The following C1orf105 variants were observed in gnomAD, a reference collection of about 807,000 sequenced individuals.
The protein encoded by C1orf105 is chromosome 1 open reading frame 105.
C1orf105 carries 17 observed loss-of-function variants against 20.8 expected under a neutral mutation model. That is an observed-to-expected ratio of 0.82 (90% CI 0.56 to 1.23). The LOEUF is 1.23. Among genes scored for constraint, C1orf105 ranks in the 50% most tolerant of loss-of-function variants. The probability of loss-of-function intolerance (pLI) is 0.00; values close to 1 mark genes in which losing one functional copy is unlikely to be tolerated. For synonymous variants in C1orf105, 72 were observed against 72.1 expected (o/e 1.00, Z 0.01); for missense variants, 219 against 213.5 (o/e 1.03, Z -0.16).
intron 1 of C1orf105, among the ~76,000 whole-genome samples, chr1:172,429,219 A>AATATATAT (rs901481851): frequency 9.8e-6 from 1 of 102,218 alleles, no homozygotes; most frequent in Admixed American, 1.2e-4. Context: ...AGTAAATACA[A>AATATATAT]ATATACACAC....
chr1:172,465,402 C>A (rs1462181920), intron 6 of C1orf105, 39 bp downstream of exon 6: 1 of 1,440,500 alleles, frequency 6.9e-7, no homozygotes, highest in Non-Finnish European at 9.8e-7. Flanking sequence ...GTGAAACACA[C>A]TAGAAAAAAA....
intron 2 of C1orf105, among the ~76,000 whole-genome samples, chr1:172,445,851 C>T (rs1420399287): frequency 1.3e-5 from 2 of 152,098 alleles, no homozygotes; most frequent in Non-Finnish European, 2.9e-5. Flanking sequence ...AGAGAAAGGG[C>T]AGGCATAGAG....
chr1:172,454,599 G>A (rs1649031990), intron 3 of C1orf105, among the ~76,000 whole-genome samples: 1 of 151,968 alleles, frequency 6.6e-6, no homozygotes, highest in Non-Finnish European at 1.5e-5. Flanking sequence ...CTTACCCGAA[G>A]CTGATTTGCT....
intron 1 of C1orf105, chr1:172,441,352 TACACAC>T (rs55669322): frequency 0.074 from 11,594 of 156,782 alleles, 466 homozygotes; most frequent in Non-Finnish European, 0.089. Context: ...GAAGTGACTT[TACACAC>T]ACACACACAC....
chr1:172,433,110 G>C (rs2071923671), intron 1 of C1orf105, among the ~76,000 whole-genome samples: 2 of 152,308 alleles, frequency 1.3e-5, no homozygotes, highest in African/African-American at 4.8e-5. Context: ...AGAAATATGG[G>C]ACTATGTGAA....
At chr1:172,435,640 T>C (rs536125168) in intron 1 of C1orf105, among the ~76,000 whole-genome samples, 1 of 152,284 alleles carries the variant, frequency 6.6e-6, no homozygotes, top group African/African-American at 2.4e-5. Flanking sequence ...ACCAATATCA[T>C]ACTGAATGGG....
In C1orf105 at chr1:172,444,968, G is replaced by A. The variant is rs113856916; in HGVS notation, c.22-105G>A. ...AAAGAGTTAAATATAAAAATGGTTTGTAAAGTGTTCACTATATGGCTGCTA... is the reference window on the plus strand; with the variant it reads ...AAAGAGTTAAATATAAAAATGGTTTATAAAGTGTTCACTATATGGCTGCTA... On this transcript the variant is annotated intron_variant, in intron 1 of 6. Coordinates refer to ENST00000367727, the MANE Select transcript of C1orf105 (RefSeq NM_139240.4). 392 of 795,118 alleles carry A rather than the reference G, an allele frequency of 4.9e-4. 4 individuals are homozygous for A. In the African/African-American group the frequency reaches 6.3e-3, roughly 13 times the overall value. The allele number at this position is 795,118 out of a possible 1,614,324, so 49.3% of individuals were successfully genotyped here.
chr1:172,459,296 A>G (rs1470932951), intron 4 of C1orf105, among the ~76,000 whole-genome samples: 1 of 152,204 alleles, frequency 6.6e-6, no homozygotes, highest in East Asian at 1.9e-4. Context: ...ATTATGTCAG[A>G]TAAGGGACTA....
chr1:172,430,932 T>C (rs755422476), intron 1 of C1orf105: 6 of 424,304 alleles, frequency 1.4e-5, no homozygotes, highest in Non-Finnish European at 2.5e-5. Context: ...GATGTTACCA[T>C]TGCAATTGTT....
intron 1 of C1orf105, among the ~76,000 whole-genome samples, chr1:172,429,251 CACACAG>C (rs1197643000): frequency 4.1e-5 from 6 of 147,838 alleles, no homozygotes; most frequent in Non-Finnish European, 6.0e-5. Context: ...CACACACACA[CACACAG>C]ACACACACAC....
Position 172,455,861 on chromosome 1 carries a change from G to A in C1orf105, c.199-554G>A, listed in dbSNP as rs539586224. ...AGGAGGTACAGAAGGGCCAAATGGT[G>A]CTGGACCATGGATGCATGAGAGCTG... On this transcript the variant is annotated intron_variant, in intron 3 of 6. Transcript: ENST00000367727. Among the ~76,000 whole-genome samples, 83 of 152,144 alleles carry A rather than the reference G, an allele frequency of 5.5e-4. 1 individual carries two copies. The highest frequency in any genetic ancestry group is 1.0e-3 in the Non-Finnish European group (71 of 68,032).
intron 3 of C1orf105, among the ~76,000 whole-genome samples, chr1:172,449,956 G>A (rs184148241): frequency 3.9e-5 from 6 of 152,340 alleles, no homozygotes; most frequent in African/African-American, 9.6e-5. Context: ...TGGCAACCTG[G>A]GCACTAGGAC....
In C1orf105 at chr1:172,420,799, C is replaced by G; in HGVS notation, c.-87C>G. The stretch of plus-strand genomic sequence containing the variant: ...AAACACTTTGGATTCAGGTTCTCCA[C>G]AGCAGTCTTCCACTGGCCACAGTGA... On this transcript the variant is annotated 5_prime_UTR_variant, in exon 1 of 7. Coordinates refer to ENST00000367727, the MANE Select transcript of C1orf105 (RefSeq NM_139240.4). 1 of 1,362,832 alleles carries G rather than the reference C, an allele frequency of 7.3e-7. No individual in the cohort carries two copies. Among genetic ancestry groups the G allele is most frequent in the Admixed American group, 1.8e-5 (1 of 55,062 alleles). The allele number at this position is 1,362,832 out of a possible 1,614,324, so 84.4% of individuals were successfully genotyped here. A position where few individuals can be genotyped will look rare whatever the true frequency, so the allele number is the denominator to read the frequency against.
chr1:172,430,434 T>C (rs2149160528), intron 1 of C1orf105: 1 of 608,226 alleles, frequency 1.6e-6, no homozygotes, highest in East Asian at 2.8e-5. Flanking sequence ...TTGCAATTTT[T>C]CTTAAACCTT....
At chr1:172,421,984 A>C (rs370347878) in intron 1 of C1orf105, among the ~76,000 whole-genome samples, 4 of 152,306 alleles carry the variant, frequency 2.6e-5, no homozygotes. Flanking sequence ...TCAGAAACTG[A>C]GTTTTGACTA....
At chr1:172,438,213 T>C (rs955560680) in intron 1 of C1orf105, among the ~76,000 whole-genome samples, 2 of 152,242 alleles carry the variant, frequency 1.3e-5, no homozygotes, top group Non-Finnish European at 2.9e-5. Flanking sequence ...CTGAAGTCCA[T>C]GGATCAAAGA....
intron 2 of C1orf105, 90 bp downstream of exon 2, chr1:172,445,248 G>A: frequency 5.9e-6 from 6 of 1,021,450 alleles, no homozygotes; most frequent in Non-Finnish European, 8.8e-6. Flanking sequence ...TTATCAGAGG[G>A]CACATTTGAT....
At chr1:172,464,004 T>C (rs1344864646) in intron 5 of C1orf105, among the ~76,000 whole-genome samples, 1 of 152,246 alleles carries the variant, frequency 6.6e-6, no homozygotes, top group Non-Finnish European at 1.5e-5. Context: ...TCTGTTTTCA[T>C]ACTTTTTAAG....
At chr1:172,449,890 T>C (rs1648423030) in intron 3 of C1orf105, among the ~76,000 whole-genome samples, 1 of 152,100 alleles carries the variant, frequency 6.6e-6, no homozygotes, top group Admixed American at 6.5e-5. Context: ...TTTAGACAGG[T>C]CTCACCTGCC....
Sources: allele counts gnomAD v4.1 joint callset (sites outside exome capture counted in the v4.1 genomes callset), GRCh38; gene constraint gnomAD v4.1.1; transcripts MANE v1.5; gene names NCBI Gene and HGNC (gene_info 2026-07-23, HGNC 2026-07-21).